Variants in EYA2 observed in about 807,000 individuals in gnomAD.
EYA2 encodes EYA transcriptional coactivator and phosphatase 2, also known as protein phosphatase EYA2.
EYA2 carries 31 observed loss-of-function variants against 69.2 expected under a neutral mutation model. That is an observed-to-expected ratio of 0.45 (90% CI 0.34 to 0.60). EYA2 has a LOEUF of 0.60. Ranked by LOEUF, EYA2 falls within the 20% of genes least tolerant of loss-of-function variation. The pLI, the probability that EYA2 is intolerant of heterozygous loss-of-function variation, is 0.02. For synonymous variants in EYA2, 257 were observed against 279.4 expected (o/e 0.92, Z 0.80); for missense variants, 622 against 701.2 (o/e 0.89, Z 1.28).
At chr20:47,064,333 G>A (rs1391896133) in intron 5 of EYA2, among the ~76,000 whole-genome samples, 1 of 152,204 alleles carries the variant, frequency 6.6e-6, no homozygotes, top group Non-Finnish European at 1.5e-5. Context: ...CTTTATGGCG[G>A]AATAATATTC....
intron 5 of EYA2, among the ~76,000 whole-genome samples, chr20:47,030,981 A>G (rs746906497): frequency 1.3e-4 from 20 of 148,260 alleles, no homozygotes; most frequent in Non-Finnish European, 2.7e-4. Context: ...CTTCATTACT[A>G]CTCTGGAGGC....
At chr20:47,048,003 T>TTATATTGGG (rs1203591983) in intron 5 of EYA2, among the ~76,000 whole-genome samples, 6 of 147,778 alleles carry the variant, frequency 4.1e-5, no homozygotes, top group Non-Finnish European at 9.0e-5. Flanking sequence ...ACAATTGTGA[T>TTATATTGGG]TATATTGGGC....
chr20:47,075,692 AT>A (rs1014955392), intron 7 of EYA2, among the ~76,000 whole-genome samples: 29 of 150,382 alleles, frequency 1.9e-4, no homozygotes, highest in African/African-American at 4.1e-4. Context: ...AAGCATGTTC[AT>A]TTTTTTTTTC....
rs557298379 is a variant in EYA2, at chr20:47,099,080, A to G, written c.888+1912A>G. On this transcript the variant is annotated intron_variant, in intron 9 of 15. Transcript: ENST00000327619. ...GAGGGAAAGGAAGCCAATACAAATT[A>G]CACAAATATAATAGTTACTGCCGTG... Among the ~76,000 whole-genome samples, 14 of 152,366 alleles carry G rather than the reference A, an allele frequency of 9.2e-5. No homozygotes were observed. In the East Asian group the frequency reaches 2.7e-3, roughly 29 times the overall value.
At chr20:46,930,990 A>C (rs1024708406) in intron 1 of EYA2, among the ~76,000 whole-genome samples, 1 of 152,208 alleles carries the variant, frequency 6.6e-6, no homozygotes, top group East Asian at 1.9e-4. Flanking sequence ...GCTGGCACCC[A>C]TTAGGTGCCA....
At chr20:46,967,221 C>T (rs1244561571) in intron 1 of EYA2, among the ~76,000 whole-genome samples, 1 of 152,212 alleles carries the variant, frequency 6.6e-6, no homozygotes, top group Non-Finnish European at 1.5e-5. Context: ...AGGCTGGTCT[C>T]GAACTGCTGA....
intron 1 of EYA2, among the ~76,000 whole-genome samples, chr20:46,948,545 T>C (rs1978611893): frequency 6.6e-6 from 1 of 152,226 alleles, no homozygotes; most frequent in Non-Finnish European, 1.5e-5. Flanking sequence ...TCTTATCAGC[T>C]GTATCCTCGG....
intron 1 of EYA2, among the ~76,000 whole-genome samples, chr20:46,934,143 A>AT (rs1985798181): frequency 6.6e-6 from 1 of 152,224 alleles, no homozygotes; most frequent in Non-Finnish European, 1.5e-5. Flanking sequence ...TTATGAGAGC[A>AT]TTTTGGGTGG....
chr20:46,991,232 A>G (rs879814186), intron 2 of EYA2, among the ~76,000 whole-genome samples: 14 of 152,366 alleles, frequency 9.2e-5, no homozygotes, highest in Admixed American at 4.6e-4. Flanking sequence ...ACGCAAGTCA[A>G]CTGTCTTCAT....
At chr20:47,124,552 C>T (rs1416201406) in intron 9 of EYA2, among the ~76,000 whole-genome samples, 3 of 152,132 alleles carry the variant, frequency 2.0e-5, no homozygotes, top group Non-Finnish European at 2.9e-5. Context: ...GGCATCAAAC[C>T]CTGTTCTGAG....
chr20:46,915,256 T>G (rs1984847753), intron 1 of EYA2, among the ~76,000 whole-genome samples: 1 of 152,192 alleles, frequency 6.6e-6, no homozygotes, highest in Non-Finnish European at 1.5e-5. Context: ...GTGTGTTGTG[T>G]TTTTTTAAAA....
chr20:47,162,834 G>A (rs1217871791), intron 10 of EYA2, among the ~76,000 whole-genome samples: 1 of 151,642 alleles, frequency 6.6e-6, no homozygotes, highest in Non-Finnish European at 1.5e-5. Flanking sequence ...TTTTTTTAAT[G>A]AAAGTATTTC....
chr20:47,108,044 G>A (rs568550208), intron 9 of EYA2, among the ~76,000 whole-genome samples: 12 of 152,356 alleles, frequency 7.9e-5, no homozygotes, highest in African/African-American at 2.6e-4. Context: ...AAGGAGGCCA[G>A]TGTGGCTGGA....
At chr20:46,971,681 G>A (rs929480255) in intron 1 of EYA2, among the ~76,000 whole-genome samples, 2 of 152,216 alleles carry the variant, frequency 1.3e-5, no homozygotes, top group African/African-American at 4.8e-5. Context: ...ACAGATCAGT[G>A]GGACTATGGG....
chr20:47,079,831 A>G (rs549834127), intron 7 of EYA2, among the ~76,000 whole-genome samples: 39 of 152,336 alleles, frequency 2.6e-4, no homozygotes, highest in South Asian at 1.2e-3. Flanking sequence ...TACATGGGTA[A>G]TGTGAGCCTG....
At chr20:47,051,151 TC>T (rs2030309690) in intron 5 of EYA2, among the ~76,000 whole-genome samples, 1 of 152,138 alleles carries the variant, frequency 6.6e-6, no homozygotes. Flanking sequence ...TGCCGGACTT[TC>T]CCTCTCGTTG....
At chr20:47,042,219 T>A (rs1985111421) in intron 5 of EYA2, among the ~76,000 whole-genome samples, 1 of 152,180 alleles carries the variant, frequency 6.6e-6, no homozygotes, top group African/African-American at 2.4e-5. Context: ...AGGAGGAAAC[T>A]GAGGCATGGC....
chr20:47,079,590 A>G (rs937001438), intron 7 of EYA2, among the ~76,000 whole-genome samples: 2 of 152,196 alleles, frequency 1.3e-5, no homozygotes, highest in African/African-American at 4.8e-5. Context: ...TCACATCAAG[A>G]ATATTTATTT....
intron 10 of EYA2, among the ~76,000 whole-genome samples, chr20:47,146,569 G>C (rs373303169): frequency 2.6e-5 from 4 of 152,206 alleles, no homozygotes; most frequent in African/African-American, 9.7e-5. Context: ...CAGCAGAATT[G>C]AAACCACGTT....
Sources: allele counts gnomAD v4.1 joint callset (sites outside exome capture counted in the v4.1 genomes callset), GRCh38; gene constraint gnomAD v4.1.1; transcripts MANE v1.5; gene names NCBI Gene and HGNC (gene_info 2026-07-23, HGNC 2026-07-21).